The following MSRA variants were observed in gnomAD, a reference collection of about 807,000 sequenced individuals.
The protein encoded by MSRA is mitochondrial peptide methionine sulfoxide reductase.
A neutral mutation model predicts 31.3 loss-of-function variants in MSRA; 54 were observed. That is an observed-to-expected ratio of 1.73 (90% confidence interval 1.39 to 2.17). The LOEUF is 2.17. Among genes scored for constraint, MSRA ranks in the 30% most tolerant of loss-of-function variants. MSRA has a pLI of 0.00. For missense variants in MSRA, 507 were observed against 300.9 expected (o/e 1.69, Z -5.07); for synonymous variants, 169 against 116.5 (o/e 1.45, Z -2.90).
At chr8:10,312,227 C>T (rs969792865) in intron 4 of MSRA, among the ~76,000 whole-genome samples, 3 of 151,874 alleles carry the variant, frequency 2.0e-5, no homozygotes, top group African/African-American at 4.8e-5. Context: ...AGCCAAGAGT[C>T]GATATTTCAC....
chr8:10,084,899 A>AGTG (rs1798478308), intron 1 of MSRA, among the ~76,000 whole-genome samples: 2 of 86,894 alleles, frequency 2.3e-5, no homozygotes, highest in South Asian at 7.6e-4. Flanking sequence ...TTTGCGAATT[A>AGTG]ACATTCTTTT....
At chr8:10,408,563 T>G (rs896396395) in intron 5 of MSRA, among the ~76,000 whole-genome samples, 4 of 151,674 alleles carry the variant, frequency 2.6e-5, no homozygotes, top group Non-Finnish European at 5.9e-5. Flanking sequence ...AATAGAGGAG[T>G]AGGTAATAAA....
intron 5 of MSRA, chr8:10,353,762 C>A (rs898367910): frequency 7.2e-5 from 27 of 373,894 alleles, no homozygotes; most frequent in African/African-American, 4.7e-4. Context: ...GGACAGGGTT[C>A]CACTTGGAAA....
At chr8:10,257,492 C>T (rs13258409) in intron 3 of MSRA, among the ~76,000 whole-genome samples, 44,063 of 152,062 alleles carry the variant, frequency 0.29, 7,989 homozygotes, top group Non-Finnish European at 0.42. Context: ...CTGCAACCCC[C>T]GCCTCCCTGG....
At position 10,315,829 on chromosome 8, in the gene MSRA, G is replaced by C. The variant is rs909492155; in HGVS notation, c.437-4054G>C. Among the ~76,000 whole-genome samples the C allele has an allele frequency of 8.5e-5, 13 of 152,212 alleles. 1 individual carries two copies. Among genetic ancestry groups the C allele is most frequent in the African/African-American group, 3.1e-4 (13 of 41,530 alleles). The stretch of plus-strand genomic sequence containing the variant: ...GGATTTTAGAACATAAACAGACATG[G>C]AGTCCCAAAAGACATTCTAGGACGC... On this transcript the variant is annotated intron_variant, in intron 4 of 5. Coordinates refer to ENST00000317173, the MANE Select transcript of MSRA (RefSeq NM_012331.5).
intron 1 of MSRA, among the ~76,000 whole-genome samples, chr8:10,133,170 C>G (rs1457805301): frequency 6.6e-6 from 1 of 152,158 alleles, no homozygotes; most frequent in Admixed American, 6.5e-5. Flanking sequence ...TTCCCACGGA[C>G]TGTGGGGAAG....
At chr8:10,300,513 C>G (rs1049911183) in intron 3 of MSRA, among the ~76,000 whole-genome samples, 2 of 152,092 alleles carry the variant, frequency 1.3e-5, no homozygotes, top group African/African-American at 4.8e-5. Context: ...GCCTTGGCCT[C>G]CCAAAGTGCT....
chr8:10,084,776 C>A (rs544979520), intron 1 of MSRA, among the ~76,000 whole-genome samples: 57 of 152,180 alleles, frequency 3.7e-4, no homozygotes, highest in Non-Finnish European at 6.8e-4. Context: ...ACATAGATTG[C>A]CCTATCCTTT....
chr8:10,127,392 A>G (rs1225700185), intron 1 of MSRA, among the ~76,000 whole-genome samples: 1 of 152,244 alleles, frequency 6.6e-6, no homozygotes, highest in East Asian at 1.9e-4. Flanking sequence ...AAACAAATGA[A>G]TACATGAATT....
intron 5 of MSRA, among the ~76,000 whole-genome samples, chr8:10,422,708 T>C (rs1808884332): frequency 6.6e-6 from 1 of 152,114 alleles, no homozygotes; most frequent in Non-Finnish European, 1.5e-5. Context: ...GGTAGGGGCA[T>C]GTGAGACTGG....
intron 1 of MSRA, among the ~76,000 whole-genome samples, chr8:10,085,461 T>C (rs1356942808): frequency 1.3e-5 from 2 of 152,210 alleles, no homozygotes; most frequent in East Asian, 3.9e-4. Context: ...CTGTCCTGTT[T>C]CTGCAACTGG....
intron 5 of MSRA, among the ~76,000 whole-genome samples, chr8:10,377,202 GGGTGAAAACCA>G: frequency 6.6e-6 from 1 of 152,368 alleles, no homozygotes; most frequent in South Asian, 2.1e-4. Context: ...ACTAACCAGA[GGGTGAAAACCA>G]GGCCAGTTCA....
chr8:10,141,944 C>T (rs1331315238), intron 1 of MSRA, among the ~76,000 whole-genome samples: 1 of 152,106 alleles, frequency 6.6e-6, no homozygotes, highest in East Asian at 1.9e-4. Flanking sequence ...AGTACTCTCC[C>T]AATTTTCAGG....
rs557535069 is a variant in MSRA, at chr8:10,172,550, G to A, written c.143-35283G>A. ...CGGAGGTTAGGGAATATGCCAATTA[G>A]ACCAGTAATGGAGGGAATATTTGAC... On this transcript the variant is annotated intron_variant, in intron 1 of 5. Transcript: ENST00000317173. Among the ~76,000 whole-genome samples the A allele has an allele frequency of 2.0e-5, 3 of 152,282 alleles. No homozygotes were observed. In the South Asian group the frequency reaches 6.2e-4, roughly 32 times the overall value.
intron 1 of MSRA, among the ~76,000 whole-genome samples, chr8:10,057,400 G>A (rs1264206233): frequency 1.3e-5 from 2 of 152,186 alleles, no homozygotes; most frequent in Non-Finnish European, 2.9e-5. Context: ...GTATTGTATT[G>A]TTCAAAATAG....
intron 1 of MSRA, among the ~76,000 whole-genome samples, chr8:10,084,400 C>T (rs536076203): frequency 2.6e-5 from 4 of 152,376 alleles, no homozygotes; most frequent in African/African-American, 2.4e-5. Context: ...ATGCTTGGAT[C>T]GTTGTAATAG....
chr8:10,121,568 T>G (rs182153483), intron 1 of MSRA, among the ~76,000 whole-genome samples: 1 of 152,308 alleles, frequency 6.6e-6, no homozygotes, highest in Non-Finnish European at 1.5e-5. Context: ...ACTTAAGCCT[T>G]TTGGCCAGAA....
chr8:10,421,386 C>T (rs1808801543), intron 5 of MSRA, among the ~76,000 whole-genome samples: 1 of 152,180 alleles, frequency 6.6e-6, no homozygotes, highest in Non-Finnish European at 1.5e-5. Context: ...TGGACAAACA[C>T]AGGGTCCTGG....
At chr8:10,265,022 G>T (rs969169517) in intron 3 of MSRA, among the ~76,000 whole-genome samples, 1 of 152,210 alleles carries the variant, frequency 6.6e-6, no homozygotes, top group African/African-American at 2.4e-5. Context: ...GGTCACAACA[G>T]ACTGAGGTAT....
Sources: allele counts gnomAD v4.1 joint callset (sites outside exome capture counted in the v4.1 genomes callset), GRCh38; gene constraint gnomAD v4.1.1; transcripts MANE v1.5; gene names NCBI Gene and HGNC (gene_info 2026-07-23, HGNC 2026-07-21).